STPG2: variants seen among roughly 807,000 people sequenced by gnomAD.
STPG2 encodes sperm-tail PG-rich repeat-containing protein 2.
Under a neutral mutation model 54.2 loss-of-function variants are expected in STPG2, and 56 were observed. The observed-to-expected ratio is 1.03, with a 90% CI of 0.83 to 1.29. The LOEUF (loss-of-function observed/expected upper bound fraction) is 1.29. STPG2 is among the 50% of genes most tolerant of loss of function. STPG2 has a pLI of 0.00. For missense variants in STPG2, 596 were observed against 544.9 expected (o/e 1.09, Z -0.93); for synonymous variants, 200 against 181.8 (o/e 1.10, Z -0.81).
chr4:97,858,582 C>T (rs1478758256), intron 8 of STPG2, among the ~76,000 whole-genome samples: 2 of 152,078 alleles, frequency 1.3e-5, no homozygotes, highest in South Asian at 2.1e-4. Context: ...TCCCAAGAGT[C>T]CATTACATGA....
At chr4:97,930,622 C>A (rs1181177947) in intron 8 of STPG2, among the ~76,000 whole-genome samples, 3 of 152,054 alleles carry the variant, frequency 2.0e-5, no homozygotes, top group African/African-American at 4.8e-5. Context: ...GATGCCTCCA[C>A]CTTTGTTCTT....
Position 97,459,500 on chromosome 4 carries a change from C to T in STPG2, c.462+253199G>A, listed in dbSNP as rs945120600. On this transcript the variant is annotated intron_variant, in intron 4 of 4. Coordinates refer to the STPG2 transcript ENST00000522676. ...TGTCGCCCAGGCTGGAGTGCAGTGG[C>T]GTGATCTCGGCTCACTACAAGCTCC... Among the ~76,000 whole-genome samples the T allele has an allele frequency of 4.9e-5, 7 of 142,278 alleles. 1 individual carries two copies. Among genetic ancestry groups the T allele is most frequent in the East Asian group, 2.1e-4 (1 of 4,834 alleles). 93.3% of individuals were successfully genotyped at this position (142,278 alleles called of 152,430 possible).
chr4:98,007,742 T>A (rs949753467), intron 5 of STPG2, among the ~76,000 whole-genome samples: 2 of 151,110 alleles, frequency 1.3e-5, no homozygotes, highest in Non-Finnish European at 3.0e-5. Context: ...GAATGAGAAA[T>A]TTACCAAACA....
At chr4:97,547,676 G>A (rs977828511) in intron 4 of STPG2, among the ~76,000 whole-genome samples, 32 of 152,268 alleles carry the variant, frequency 2.1e-4, no homozygotes, top group Admixed American at 1.3e-3. Flanking sequence ...AGGTGTTGAC[G>A]TTGAGGATAG....
chr4:97,642,737 C>T (rs563674375), intron 10 of STPG2, among the ~76,000 whole-genome samples: 4 of 151,432 alleles, frequency 2.6e-5, no homozygotes, highest in Admixed American at 2.6e-4. Context: ...AATTGCTGAA[C>T]TTATTGAAAA....
intron 7 of STPG2, among the ~76,000 whole-genome samples, chr4:97,954,945 C>T (rs1023594247): frequency 6.6e-6 from 1 of 151,732 alleles, no homozygotes; most frequent in Non-Finnish European, 1.5e-5. Context: ...TTTTTTAAAA[C>T]TATGATTAAT....
intron 9 of STPG2, among the ~76,000 whole-genome samples, chr4:97,792,637 T>A (rs1727037618): frequency 6.6e-6 from 1 of 151,390 alleles, no homozygotes; most frequent in Non-Finnish European, 1.5e-5. Flanking sequence ...AAGCCTTCCA[T>A]CCCACTGTGA....
chr4:97,781,978 A>G (rs1726643126), intron 9 of STPG2, among the ~76,000 whole-genome samples: 1 of 152,248 alleles, frequency 6.6e-6, no homozygotes, highest in Non-Finnish European at 1.5e-5. Flanking sequence ...CCAATATCAT[A>G]CTGAATGGGT....
chr4:98,065,610 G>A (rs978674302), intron 5 of STPG2, among the ~76,000 whole-genome samples: 6 of 152,126 alleles, frequency 3.9e-5, no homozygotes, highest in Admixed American at 2.6e-4. Context: ...GAATTAGCGA[G>A]GAGCCAGACT....
intron 2 of STPG2, among the ~76,000 whole-genome samples, chr4:98,129,502 A>G (rs1739924672): frequency 6.6e-6 from 1 of 152,220 alleles, no homozygotes; most frequent in Non-Finnish European, 1.5e-5. Flanking sequence ...ATATAAATGT[A>G]TAAAGTCACA....
At chr4:98,034,355 C>T (rs1044107837) in intron 5 of STPG2, among the ~76,000 whole-genome samples, 8 of 152,128 alleles carry the variant, frequency 5.3e-5, no homozygotes, top group African/African-American at 1.9e-4. Context: ...ACAACTGCTA[C>T]TAAGAGAATA....
At chr4:98,040,572 G>A (rs1398372270) in intron 5 of STPG2, among the ~76,000 whole-genome samples, 2 of 151,524 alleles carry the variant, frequency 1.3e-5, no homozygotes, top group Non-Finnish European at 3.0e-5. Flanking sequence ...TATTGACTAA[G>A]GACCTTTTCC....
intron 8 of STPG2, among the ~76,000 whole-genome samples, chr4:97,849,749 A>G (rs1393766646): frequency 6.6e-6 from 1 of 151,230 alleles, no homozygotes; most frequent in Non-Finnish European, 1.5e-5. Flanking sequence ...TAGAATGGCA[A>G]GCATTAAAAA....
chr4:98,003,620 T>C (rs985595021), intron 5 of STPG2, among the ~76,000 whole-genome samples: 6 of 152,124 alleles, frequency 3.9e-5, no homozygotes, highest in African/African-American at 1.4e-4. Flanking sequence ...ATCTTCTTAC[T>C]GGCATTAGAT....
chr4:97,685,113 T>C (rs1315257344), intron 10 of STPG2, among the ~76,000 whole-genome samples: 1 of 152,094 alleles, frequency 6.6e-6, no homozygotes, highest in African/African-American at 2.4e-5. Context: ...GATCCTTTCA[T>C]TGCTGATGGA....
intron 8 of STPG2, among the ~76,000 whole-genome samples, chr4:97,927,289 A>G (rs1176818667): frequency 6.6e-6 from 1 of 152,110 alleles, no homozygotes; most frequent in Non-Finnish European, 1.5e-5. Flanking sequence ...ATTTCAAGTC[A>G]TTTGTTAACT....
chr4:98,063,477 AT>A (rs1178834352), intron 5 of STPG2, among the ~76,000 whole-genome samples: 1 of 152,172 alleles, frequency 6.6e-6, no homozygotes, highest in African/African-American at 2.4e-5. Flanking sequence ...AAAGTAAAAC[AT>A]TTAAATAACA....
intron 8 of STPG2, among the ~76,000 whole-genome samples, chr4:97,897,067 C>A (rs1253633556): frequency 2.0e-5 from 3 of 151,928 alleles, no homozygotes; most frequent in Non-Finnish European, 4.4e-5. Context: ...CCACCCTCCA[C>A]CTTTCAATAA....
intron 10 of STPG2, among the ~76,000 whole-genome samples, chr4:97,583,778 A>G (rs1732923966): frequency 6.6e-6 from 1 of 152,034 alleles, no homozygotes; most frequent in Admixed American, 6.6e-5. Flanking sequence ...AAAAAGACAC[A>G]GAGAAACATC....
Sources: allele counts gnomAD v4.1 joint callset (sites outside exome capture counted in the v4.1 genomes callset), GRCh38; gene constraint gnomAD v4.1.1; transcripts MANE v1.5; gene names NCBI Gene and HGNC (gene_info 2026-07-23, HGNC 2026-07-21).